SBNO1: variants seen among roughly 807,000 people sequenced by gnomAD.
SBNO1 encodes the protein strawberry notch homolog 1.
SBNO1 carries 23 observed loss-of-function variants against 173.6 expected under a neutral mutation model. The observed-to-expected ratio is 0.13, with a 90% CI of 0.10 to 0.19. SBNO1 has a LOEUF of 0.19. Among genes scored for constraint, SBNO1 ranks in the 10% least tolerant of loss-of-function variants. The pLI is 1.00. For synonymous variants in SBNO1, 632 were observed against 571.5 expected (o/e 1.11, Z -1.51); for missense variants, 1,238 against 1,671.2 (o/e 0.74, Z 4.52).
intron 5 of SBNO1, among the ~76,000 whole-genome samples, chr12:123,339,069 G>T (rs536429537): frequency 5.3e-5 from 8 of 152,134 alleles, no homozygotes; most frequent in Non-Finnish European, 1.2e-4. Flanking sequence ...GAAGAAATAT[G>T]CATTCTTAGT....
At chr12:123,361,608 C>T (rs1875184549) in intron 1 of SBNO1, among the ~76,000 whole-genome samples, 1 of 151,312 alleles carries the variant, frequency 6.6e-6, no homozygotes, top group South Asian at 2.1e-4. Context: ...GTGGCGTGTA[C>T]CTGTAATCCC....
At chr12:123,349,721 C>T (rs1295930438) in intron 2 of SBNO1, among the ~76,000 whole-genome samples, 1 of 151,936 alleles carries the variant, frequency 6.6e-6, no homozygotes, top group Non-Finnish European at 1.5e-5. Context: ...TCGAGACCAG[C>T]CTGAACAACA....
intron 15 of SBNO1, 114 bp downstream of exon 15, chr12:123,325,388 T>C: frequency 5.7e-6 from 4 of 697,362 alleles, no homozygotes; most frequent in Non-Finnish European, 1.0e-5. Flanking sequence ...TCAAGAAAAC[T>C]TAAAGATGAT....
rs376641376 is a variant in SBNO1, at chr12:123,357,381, G to A, written c.1-6940C>T. On this transcript the variant is annotated intron_variant, in intron 1 of 31. Coordinates refer to ENST00000602398, the MANE Select transcript of SBNO1 (RefSeq NM_001167856.3). The stretch of plus-strand genomic sequence containing the variant: ...AGGAGAACACCGGAACCCAGGGGGT[G>A]AAGGTTGCAGTGAGCCGAGACTGCA... Among the ~76,000 whole-genome samples, 34 of 151,446 alleles carry A rather than the reference G, an allele frequency of 2.2e-4. No homozygotes were observed. In the South Asian group the frequency reaches 7.1e-3, roughly 32 times the overall value.
chr12:123,322,093 T>C (rs531964023), intron 16 of SBNO1, among the ~76,000 whole-genome samples: 3 of 152,346 alleles, frequency 2.0e-5, no homozygotes, highest in Admixed American at 2.0e-4. Flanking sequence ...TACAGGTTTA[T>C]AGACATGGAA....
chr12:123,351,121 CA>C lies in SBNO1; in HGVS notation c.1-681del, dbSNP rs975451344. Among the ~76,000 whole-genome samples, 8 of 146,234 alleles carry C rather than the reference CA, an allele frequency of 5.5e-5. No individual in the cohort carries two copies. The East Asian group carries it at 1.1e-3, about 20-fold the overall frequency. ...TGGGTGACAGAGCGAGACTCCATCTCAAAAAAAAAAAAAAAGAAAAAGAAAA... is the reference window on the plus strand; with the variant it reads ...TGGGTGACAGAGCGAGACTCCATCTCAAAAAAAAAAAAAAGAAAAAGAAAA... On this transcript the variant is annotated intron_variant, in intron 1 of 31. Transcript: ENST00000602398.
chr12:123,320,358 G>T, intron 19 of SBNO1, 74 bp downstream of exon 19: 1 of 1,299,546 alleles, frequency 7.7e-7, no homozygotes, highest in Non-Finnish European at 1.1e-6. Flanking sequence ...ATTATGTGAA[G>T]ACAGTCAAAA....
At chr12:123,328,079 CCAGTCTTT>C in intron 10 of SBNO1, 52 bp from the exon 11 acceptor site, 4 of 1,433,642 alleles carry the variant, frequency 2.8e-6, no homozygotes, top group Non-Finnish European at 2.9e-6. Context: ...GTAAGAATCT[CCAGTCTTT>C]CAAGAAGAGT....
At position 123,361,020 on chromosome 12, in the gene SBNO1, C is replaced by T. The variant is rs895382264; in HGVS notation, c.-1+3681G>A. 4.0e-5 allele frequency among the ~76,000 whole-genome samples: 6 copies of T among 151,880 alleles called. No individual in the cohort carries two copies. The East Asian group carries it at 5.9e-4, about 15-fold the overall frequency. On this transcript the variant is annotated intron_variant, in intron 1 of 31. Coordinates refer to ENST00000602398, the MANE Select transcript of SBNO1 (RefSeq NM_001167856.3). ...CAGCACTTTGGAAGGCCGAGGCAGG[C>T]GGATCACGAGATCAAGAGATTGAAA...
intron 17 of SBNO1, 72 bp from the exon 18 acceptor site, chr12:123,320,938 T>C: frequency 1.2e-5 from 15 of 1,235,186 alleles, no homozygotes; most frequent in Non-Finnish European, 1.7e-5. Context: ...GGAAACAACC[T>C]TTGAAATTTT....
intron 23 of SBNO1, among the ~76,000 whole-genome samples, chr12:123,314,895 C>T (rs1869091753): frequency 6.6e-6 from 1 of 151,186 alleles, no homozygotes; most frequent in African/African-American, 2.4e-5. Flanking sequence ...TGATCCCGGC[C>T]TAATTTTTGT....
chr12:123,310,533 AT>A (rs1398817249), intron 25 of SBNO1, among the ~76,000 whole-genome samples: 2 of 142,646 alleles, frequency 1.4e-5, no homozygotes, highest in African/African-American at 2.6e-5. Context: ...CGCCCGACCA[AT>A]TTTTTTTTAT....
In SBNO1 at chr12:123,291,400, G is replaced by A. The variant is rs1352691715; in HGVS notation, c.*4508C>T. 1 of 152,174 alleles carries A rather than the reference G, an allele frequency of 6.6e-6. No homozygotes were observed. Among genetic ancestry groups the A allele is most frequent in the Non-Finnish European group, 1.5e-5 (1 of 68,040 alleles). 9.4% of individuals were successfully genotyped at this position (152,174 alleles called of 1,614,324 possible). On this transcript the variant is annotated 3_prime_UTR_variant, in exon 32 of 32. Coordinates refer to ENST00000602398, the MANE Select transcript of SBNO1 (RefSeq NM_001167856.3). ...CAAATGCACTGAAGAAGTTAGAGGA[G>A]CTTAAAGAAGTCTCAGGAAGCATTT...
rs1303827246 is a variant in SBNO1, at chr12:123,292,216, C to T, written c.*3692G>A. 6.6e-6 allele frequency: 1 copy of T among 152,116 alleles called. No individual in the cohort carries two copies. The highest frequency in any genetic ancestry group is 1.5e-5 in the Non-Finnish European group (1 of 68,044). The allele number at this position is 152,116 out of a possible 1,614,324, so 9.4% of individuals were successfully genotyped here. ...TGCCTTTGCCATTGGGAGGCCTGAACTAATCAAACGTTCATTAATAGGATC... is the reference window on the plus strand; with the variant it reads ...TGCCTTTGCCATTGGGAGGCCTGAATTAATCAAACGTTCATTAATAGGATC... On this transcript the variant is annotated 3_prime_UTR_variant, in exon 32 of 32. Transcript: ENST00000602398.
chr12:123,361,729 TA>T (rs10649364), intron 1 of SBNO1, among the ~76,000 whole-genome samples: 16 of 133,736 alleles, frequency 1.2e-4, no homozygotes, highest in East Asian at 4.3e-4. Flanking sequence ...CAAGACAGTC[TA>T]AAAAAAAAAA....
chr12:123,363,300 T>C (rs1165788386), intron 1 of SBNO1, among the ~76,000 whole-genome samples: 1 of 152,158 alleles, frequency 6.6e-6, no homozygotes, highest in Non-Finnish European at 1.5e-5. Flanking sequence ...CTATCTTCTG[T>C]GCAACGATGA....
In SBNO1 at chr12:123,309,792, C is replaced by A; in HGVS notation, c.3360G>T (p.Ala1120=). 2 of 1,612,302 alleles carry A rather than the reference C, an allele frequency of 1.2e-6. No individual in the cohort carries two copies. The highest frequency in any genetic ancestry group is 1.7e-6 in the Non-Finnish European group (2 of 1,178,834). The change falls in exon 26 of 32, where the codon GCG becomes GCT. Residue 1120 remains alanine (A), a synonymous_variant. Coordinates refer to ENST00000602398, the MANE Select transcript of SBNO1 (RefSeq NM_001167856.3). ...ILGMEVHQQN[A]LFQYFADTLT... Reference sequence around the variant, plus strand: ...GTGTGTCCGCAAAATACTGAAATAACGCATTCTGCTGATGCACCTCCATGC... The same window carrying A: ...GTGTGTCCGCAAAATACTGAAATAAAGCATTCTGCTGATGCACCTCCATGC...
At chr12:123,302,238 G>GTT (rs1222921851) in intron 30 of SBNO1, among the ~76,000 whole-genome samples, 2 of 112,974 alleles carry the variant, frequency 1.8e-5, no homozygotes, top group Admixed American at 9.1e-5. Flanking sequence ...TGGCCTTATT[G>GTT]TTTTTTTTTT....
At chr12:123,350,270 C>T (rs774068882) in intron 2 of SBNO1, 40 bp downstream of exon 2, 12 of 1,608,160 alleles carry the variant, frequency 7.5e-6, no homozygotes, top group African/African-American at 1.3e-5. Context: ...ATACTGTAAG[C>T]GGAAATCACT....
Sources: gnomAD v4.1 joint callset for allele counts (sites outside exome capture counted in the v4.1 genomes callset) on GRCh38, gnomAD v4.1.1 for gene constraint, MANE v1.5 for transcripts, NCBI Gene and HGNC (gene_info 2026-07-23, HGNC 2026-07-21) for gene names.